The following NR5A2 variants were observed in gnomAD, a reference collection of about 807,000 sequenced individuals.
NR5A2 encodes the protein nuclear receptor subfamily 5 group A member 2, also known as CYP7A promoter-binding factor.
Under a neutral mutation model 62.7 loss-of-function variants are expected in NR5A2, and 26 were observed. That is an observed-to-expected ratio of 0.41 (90% CI 0.30 to 0.58). The LOEUF (loss-of-function observed/expected upper bound fraction) is 0.58, where lower values mean the gene tolerates loss of function less well. NR5A2 is among the 20% of genes least tolerant of loss of function. The pLI is 0.22. For synonymous variants in NR5A2, 246 were observed against 241.7 expected (o/e 1.02, Z -0.16); for missense variants, 541 against 669.1 (o/e 0.81, Z 2.11).
intron 1 of NR5A2, among the ~76,000 whole-genome samples, chr1:200,030,398 TTAAGA>T (rs1661508312): frequency 6.6e-6 from 1 of 152,162 alleles, no homozygotes; most frequent in African/African-American, 2.4e-5. Flanking sequence ...AAAAGCAGAA[TTAAGA>T]TAAAGTTGTT....
At chr1:200,029,517 AC>A (rs1661474119) in intron 1 of NR5A2, 1 of 152,338 alleles carries the variant, frequency 6.6e-6, no homozygotes, top group African/African-American at 2.4e-5. Flanking sequence ...AACAGAGAAC[AC>A]CTGCAGCTCT....
At chr1:200,072,148 A>G (rs1284473528) in intron 5 of NR5A2, among the ~76,000 whole-genome samples, 1 of 152,100 alleles carries the variant, frequency 6.6e-6, no homozygotes, top group Non-Finnish European at 1.5e-5. Context: ...TAGGAAAATT[A>G]ATTTTTCTGT....
intron 5 of NR5A2, among the ~76,000 whole-genome samples, chr1:200,092,839 T>G (rs1437220841): frequency 1.3e-5 from 2 of 151,202 alleles, no homozygotes; most frequent in Non-Finnish European, 2.9e-5. Flanking sequence ...TGACTTGCTT[T>G]AAAGTGTAAC....
chr1:200,120,325 G>A (rs1343301867), intron 6 of NR5A2, among the ~76,000 whole-genome samples: 3 of 151,904 alleles, frequency 2.0e-5, no homozygotes, highest in African/African-American at 7.3e-5. Flanking sequence ...CACTTTTCAT[G>A]GACAGTATGT....
In NR5A2 at chr1:200,121,531, G is replaced by A. The variant is rs1666480616; in HGVS notation, c.1378+576G>A. Among the ~76,000 whole-genome samples, 6 of 152,258 alleles carry A rather than the reference G, an allele frequency of 3.9e-5. 1 individual carries two copies. In the South Asian group the frequency reaches 1.2e-3, roughly 32 times the overall value. ...AGCTTTGGAAAAGAAAGATAACTAA[G>A]CAAGACAGATTAGCTAAATCAAGGT... On this transcript the variant is annotated intron_variant, in intron 7 of 7. Coordinates refer to ENST00000367362, the MANE Select transcript of NR5A2 (RefSeq NM_205860.3).
intron 7 of NR5A2, among the ~76,000 whole-genome samples, chr1:200,162,799 G>A (rs1443357188): frequency 5.3e-5 from 8 of 152,148 alleles, no homozygotes; most frequent in African/African-American, 1.9e-4. Flanking sequence ...ATTGGGTAAC[G>A]GGATGGATTC....
At chr1:200,148,006 C>A in intron 7 of NR5A2, 1 of 305,568 alleles carries the variant, frequency 3.3e-6, no homozygotes, top group Admixed American at 4.8e-5. Flanking sequence ...GAGCCGAAAA[C>A]GCCCAGTTCG....
intron 2 of NR5A2, among the ~76,000 whole-genome samples, chr1:200,042,384 A>G (rs1189153921): frequency 6.6e-6 from 1 of 152,052 alleles, no homozygotes; most frequent in Non-Finnish European, 1.5e-5. Flanking sequence ...AACCAAAGAG[A>G]AAAAAAATAA....
chr1:200,165,535 C>T (rs1653862324), intron 7 of NR5A2, among the ~76,000 whole-genome samples: 1 of 152,202 alleles, frequency 6.6e-6, no homozygotes, highest in South Asian at 2.1e-4. Context: ...TACTGGCAAC[C>T]ACCCATCTTT....
intron 5 of NR5A2, among the ~76,000 whole-genome samples, chr1:200,095,582 TCA>T (rs1665050745): frequency 2.0e-5 from 3 of 151,972 alleles, no homozygotes; most frequent in East Asian, 1.9e-4. Context: ...AGATGGAGTC[TCA>T]CACTCTCGCC....
chr1:200,109,030 C>T (rs28550402), intron 5 of NR5A2, among the ~76,000 whole-genome samples: 27 of 152,300 alleles, frequency 1.8e-4, no homozygotes, highest in African/African-American at 6.3e-4. Context: ...CACTAAACCA[C>T]TAAATACTGT....
intron 7 of NR5A2, among the ~76,000 whole-genome samples, chr1:200,127,602 A>T (rs1666760055): frequency 7.0e-6 from 1 of 143,136 alleles, no homozygotes; most frequent in Non-Finnish European, 1.5e-5. Flanking sequence ...ACTTCAACCC[A>T]GGGGGCGGAG....
chr1:200,040,084 C>T (rs1407792090), intron 2 of NR5A2, among the ~76,000 whole-genome samples: 2 of 152,206 alleles, frequency 1.3e-5, no homozygotes, highest in Non-Finnish European at 2.9e-5. Context: ...GCTAAAGGTA[C>T]TTTAGAATAA....
At chr1:200,042,512 C>G (rs185137655) in intron 2 of NR5A2, among the ~76,000 whole-genome samples, 25 of 152,302 alleles carry the variant, frequency 1.6e-4, no homozygotes, top group Admixed American at 1.2e-3. Context: ...AAACTTCTGC[C>G]CGGCCGTGGC....
At chr1:200,093,184 A>G (rs1193347290) in intron 5 of NR5A2, among the ~76,000 whole-genome samples, 4 of 152,136 alleles carry the variant, frequency 2.6e-5, no homozygotes, top group Admixed American at 2.0e-4. Context: ...GATTACAGGC[A>G]TGAGCCACCA....
intron 5 of NR5A2, among the ~76,000 whole-genome samples, chr1:200,095,759 A>G (rs537221287): frequency 1.3e-5 from 2 of 151,962 alleles, no homozygotes; most frequent in Non-Finnish European, 2.9e-5. Flanking sequence ...TTACCACGTT[A>G]GCCAGGATGG....
intron 7 of NR5A2, among the ~76,000 whole-genome samples, chr1:200,159,006 C>T (rs549590432): frequency 1.1e-4 from 16 of 152,012 alleles, no homozygotes; most frequent in South Asian, 2.1e-4. Context: ...GCAATCCCCC[C>T]GCCTCAGACT....
intron 5 of NR5A2, among the ~76,000 whole-genome samples, chr1:200,105,937 A>G (rs972482774): frequency 1.3e-5 from 2 of 152,150 alleles, no homozygotes; most frequent in Non-Finnish European, 2.9e-5. Context: ...AAAGTAAAAT[A>G]ACAGCTCACT....
intron 5 of NR5A2, among the ~76,000 whole-genome samples, chr1:200,100,950 TC>T (rs1665337636): frequency 6.6e-6 from 1 of 152,216 alleles, no homozygotes; most frequent in African/African-American, 2.4e-5. Flanking sequence ...TTGGGGCTGA[TC>T]CTGATCCTTG....
Sources: allele counts gnomAD v4.1 joint callset (sites outside exome capture counted in the v4.1 genomes callset), GRCh38; gene constraint gnomAD v4.1.1; transcripts MANE v1.5; gene names NCBI Gene and HGNC (gene_info 2026-07-23, HGNC 2026-07-21).